Variants in MBTPS2 observed in about 807,000 individuals in gnomAD.
MBTPS2 encodes the protein membrane-bound transcription factor site-2 protease.
In MBTPS2, 2 loss-of-function variants were observed where a neutral mutation model predicts 35.4. The ratio of observed to expected loss-of-function variants is 0.06; its 90% CI spans 0.02 to 0.18. The LOEUF (loss-of-function observed/expected upper bound fraction) is 0.18. MBTPS2 is among the 10% of genes least tolerant of loss of function. The pLI, the probability that MBTPS2 is intolerant of heterozygous loss-of-function variation, is 1.00. For missense variants in MBTPS2, 244 were observed against 386.5 expected, an observed-to-expected ratio of 0.63 and a Z score of 3.09; for synonymous variants, 125 against 140.4, an observed-to-expected ratio of 0.89 and a Z score of 0.77.
At chrX:21,877,946 A>G in intron 7 of MBTPS2, 96 bp from the exon 8 acceptor site, 2 of 569,426 alleles carry the variant, frequency 3.5e-6, no homozygotes, top group South Asian at 2.5e-5. Context: ...CTAAATTCAT[A>G]TGCCATTTTA....
chrX:21,885,410 G>T lies in MBTPS2; in HGVS notation c.*2755G>T, dbSNP rs1211920048. On this transcript the variant is annotated 3_prime_UTR_variant, in exon 11 of 11. Coordinates refer to ENST00000379484, the MANE Select transcript of MBTPS2 (RefSeq NM_015884.4). ...GCAATAAAAGAATAAATGTGTACCAGCATTTTATGTTTATCATCGTCTATG... is the reference window on the plus strand; with the variant it reads ...GCAATAAAAGAATAAATGTGTACCATCATTTTATGTTTATCATCGTCTATG... 9 of 749,628 alleles carry T rather than the reference G, an allele frequency of 1.2e-5. No homozygotes were observed. The highest frequency in any genetic ancestry group is 7.5e-4 in the Middle Eastern group (1 of 1,339). The allele number at this position is 749,628 out of a possible 1,213,427, so 61.8% of individuals were successfully genotyped here. A position where few individuals can be genotyped will look rare whatever the true frequency, so the allele number is the denominator to read the frequency against.
chrX:21,862,967 T>A (rs1361602996), intron 5 of MBTPS2, among the ~76,000 whole-genome samples: 125 of 58,304 alleles, frequency 2.1e-3, no homozygotes, highest in Non-Finnish European at 3.0e-3. Flanking sequence ...TATATATATA[T>A]AAAACCGACT....
chrX:21,862,679 G>T (rs965870145), intron 5 of MBTPS2, among the ~76,000 whole-genome samples: 5 of 104,593 alleles, frequency 4.8e-5, no homozygotes, highest in Non-Finnish European at 9.8e-5. Context: ...GGCGTGGTGG[G>T]GGGCGCCTGT....
At chrX:21,862,787 G>A (rs2092933083) in intron 5 of MBTPS2, among the ~76,000 whole-genome samples, 1 of 100,845 alleles carries the variant, frequency 9.9e-6, no homozygotes, top group Non-Finnish European at 2.0e-5. Context: ...CTCCAGCCTG[G>A]GCGACAGAAC....
intron 5 of MBTPS2, among the ~76,000 whole-genome samples, chrX:21,858,912 A>C (rs1397145552): frequency 9.7e-6 from 1 of 103,377 alleles, no homozygotes; most frequent in Non-Finnish European, 2.0e-5. Flanking sequence ...AAAAAGAGAA[A>C]AAGGGGCAGA....
At chrX:21,867,886 G>C (rs1436408853) in intron 5 of MBTPS2, among the ~76,000 whole-genome samples, 1 of 109,573 alleles carries the variant, frequency 9.1e-6, no homozygotes, top group African/African-American at 3.3e-5. Flanking sequence ...TGATCCGCCC[G>C]CCCTGGCCTC....
chrX:21,872,305 G>A (rs1004093993), intron 7 of MBTPS2: 3 of 111,809 alleles, frequency 2.7e-5, no homozygotes, highest in African/African-American at 9.7e-5. Flanking sequence ...ATTTTCAGAT[G>A]TTTAGGGTTT....
At position 21,851,529 on chromosome X, in the gene MBTPS2, C is replaced by T. The variant is rs371946947; in HGVS notation, c.459C>T (p.Pro153=). ...AACAGGTTCCTGGTATAAATTTACC[C>T]GTCAATCAACTGACCTATTTCTTCA... is the stretch of plus-strand genomic sequence containing the variant. ...LQVVVPGINL[P]VNQLTYFFTA... is the part of the protein sequence containing the mutation. Residue 153 remains proline (P), a synonymous_variant, in exon 4 of 11, where the codon CCC becomes CCT. Transcript: ENST00000379484. 1,426 of 1,202,135 alleles carry T rather than the reference C, an allele frequency of 1.2e-3. 20 individuals carry two copies. The South Asian group carries it at 0.024, about 20-fold the overall frequency.
At position 21,851,494 on chromosome X, in the gene MBTPS2, T is replaced by C. The variant is rs777921315; in HGVS notation, c.439-15T>C. On this transcript the variant is annotated splice_polypyrimidine_tract_variant and intron_variant, in intron 3 of 10. Coordinates refer to ENST00000379484, the MANE Select transcript of MBTPS2 (RefSeq NM_015884.4). ...CCCCCACTGATAATTGCTGCCATAT[T>C]GTGTCTATGAACAGGTTCCTGGTAT... is the stretch of plus-strand genomic sequence containing the variant. 1 of 1,106,859 alleles carries C rather than the reference T, an allele frequency of 9.0e-7. No individual in the cohort carries two copies. The highest frequency in any genetic ancestry group is 3.0e-5 in the East Asian group (1 of 33,376). The allele number at this position is 1,106,859 out of a possible 1,213,427, so 91.2% of individuals were successfully genotyped here. A position where few individuals can be genotyped will look rare whatever the true frequency, so the allele number is the denominator to read the frequency against.
At chrX:21,855,435 C>T (rs746739531) in intron 5 of MBTPS2, among the ~76,000 whole-genome samples, 4 of 109,670 alleles carry the variant, frequency 3.6e-5, no homozygotes, top group South Asian at 4.0e-4. Flanking sequence ...TGATAAAGAA[C>T]GCCCTTTTTC....
intron 7 of MBTPS2, among the ~76,000 whole-genome samples, chrX:21,875,688 C>A (rs1602152761): frequency 1.8e-5 from 2 of 112,188 alleles, no homozygotes; most frequent in South Asian, 7.4e-4. Context: ...CACTGAGAAA[C>A]CTTTCCCTCA....
chrX:21,875,746 C>T (rs907598638), intron 7 of MBTPS2, among the ~76,000 whole-genome samples: 5 of 112,048 alleles, frequency 4.5e-5, no homozygotes, highest in Non-Finnish European at 9.4e-5. Context: ...CACATTATTA[C>T]AGTACAAGTT....
intron 7 of MBTPS2, 103 bp downstream of exon 7, chrX:21,869,781 T>A (rs990242104): frequency 1.3e-5 from 9 of 675,955 alleles, no homozygotes; most frequent in Admixed American, 9.9e-5. Flanking sequence ...CTAATCTGTT[T>A]AAAGCAAATC....
chrX:21,869,197 C>T (rs1438475023), intron 6 of MBTPS2, among the ~76,000 whole-genome samples: 1 of 112,025 alleles, frequency 8.9e-6, no homozygotes, highest in African/African-American at 3.2e-5. Context: ...TCTGATGATA[C>T]TTTCACCAAA....
chrX:21,861,816 G>T (rs943729801), intron 5 of MBTPS2, among the ~76,000 whole-genome samples: 6 of 104,898 alleles, frequency 5.7e-5, no homozygotes, highest in African/African-American at 2.0e-4. Flanking sequence ...TACCTGATAA[G>T]TCCTAGACCA....
chrX:21,866,224 GT>G (rs773661144), intron 5 of MBTPS2, among the ~76,000 whole-genome samples: 3 of 111,249 alleles, frequency 2.7e-5, no homozygotes, highest in Non-Finnish European at 5.7e-5. Context: ...AAGTCCTACT[GT>G]TTCTTGGCTG....
chrX:21,851,377 C>G, intron 3 of MBTPS2, 132 bp from the exon 4 acceptor site: 1 of 534,177 alleles, frequency 1.9e-6, no homozygotes, highest in Non-Finnish European at 3.4e-6. Flanking sequence ...GAACCATTGT[C>G]ATATTACTTT....
intron 5 of MBTPS2, among the ~76,000 whole-genome samples, chrX:21,863,093 GA>G (rs1190986655): frequency 5.5e-5 from 5 of 91,458 alleles, no homozygotes; most frequent in African/African-American, 1.6e-4. Flanking sequence ...CCTGTCTCTA[GA>G]AAAAAAAACA....
In MBTPS2 at chrX:21,855,489, C is replaced by T. The variant is rs776582269; in HGVS notation, c.670+1986C>T. On this transcript the variant is annotated intron_variant, in intron 5 of 10. Coordinates refer to ENST00000379484, the MANE Select transcript of MBTPS2 (RefSeq NM_015884.4). ...CTGTGTTGCCCAGGCTGTAGTGCAG[C>T]GGCATGATCTAGGCTCACTGCAACC... Among the ~76,000 whole-genome samples, 8 of 109,822 alleles carry T rather than the reference C, an allele frequency of 7.3e-5. No individual in the cohort carries two copies. The East Asian group carries it at 1.5e-3, about 20-fold the overall frequency.
Sources: allele counts gnomAD v4.1 joint callset (sites outside exome capture counted in the v4.1 genomes callset), GRCh38; gene constraint gnomAD v4.1.1; transcripts MANE v1.5; gene names NCBI Gene and HGNC (gene_info 2026-07-23, HGNC 2026-07-21).